PI4KA: variants seen among roughly 807,000 people sequenced by gnomAD.
PI4KA encodes PI4-kinase alpha.
PI4KA carries 122 observed loss-of-function variants against 271.4 expected under a neutral mutation model. The ratio of observed to expected loss-of-function variants is 0.45; its 90% CI spans 0.39 to 0.52. PI4KA has a LOEUF of 0.52. PI4KA is among the 20% of genes least tolerant of loss of function. The probability of loss-of-function intolerance (pLI) is 0.00; values close to 1 mark genes in which losing one functional copy is unlikely to be tolerated. For missense variants in PI4KA, 1,969 were observed against 2,769.1 expected, an observed-to-expected ratio of 0.71 and a Z score of 6.48; for synonymous variants, 1,041 against 1,078.8, an observed-to-expected ratio of 0.96 and a Z score of 0.69.
intron 10 of PI4KA, among the ~76,000 whole-genome samples, chr22:20,807,019 G>A (rs1466527321): frequency 1.3e-5 from 2 of 152,160 alleles, no homozygotes; most frequent in East Asian, 1.9e-4. Context: ...ATACGCATAA[G>A]CCACTGTGCC....
At chr22:20,795,247 C>T (rs904248785) in intron 18 of PI4KA, among the ~76,000 whole-genome samples, 5 of 151,304 alleles carry the variant, frequency 3.3e-5, no homozygotes, top group African/African-American at 9.7e-5. Flanking sequence ...GTGTTATCAA[C>T]ACCAACTCAT....
At chr22:20,788,367 G>C (rs1385614831) in intron 19 of PI4KA, among the ~76,000 whole-genome samples, 1 of 152,184 alleles carries the variant, frequency 6.6e-6, no homozygotes, top group Non-Finnish European at 1.5e-5. Flanking sequence ...AAAGGGAGTA[G>C]GGACGGAAGG....
At chr22:20,779,273 ACT>A (rs750376007) in intron 19 of PI4KA, 2 of 1,613,222 alleles carry the variant, frequency 1.2e-6, no homozygotes, top group Non-Finnish European at 8.5e-7. Flanking sequence ...GCCGCCTTTC[ACT>A]GTGTTCTGTT....
rs768464194 is a variant in PI4KA at position 20,765,591 on chromosome 22, C to A, written c.2431G>T (p.Gly811Cys). The A allele has an allele frequency of 1.3e-5, 21 of 1,591,604 alleles. No individual in the cohort carries two copies. The highest frequency in any genetic ancestry group is 1.7e-5 in the Non-Finnish European group (20 of 1,160,522). ...YSVLMGFAVEGSGLWPEEWYE... is the reference protein window; with the variant it reads ...YSVLMGFAVECSGLWPEEWYE... ...AGAGAGATGATCCCCCTACCTGAGC[C>A]CTCCACAGCGAATCCCATCAGAACG... Residue 811 changes from glycine (G) to cysteine (C), a missense_variant, in exon 20 of 55, where the codon GGC becomes TGC. By Grantham distance (159) the Gly-to-Cys change is radical. Around this residue, in one of 13 missense-constraint regions of PI4KA, gnomAD observed 368 missense variants for 544.3 expected, o/e 0.68. Transcript: ENST00000255882.
At chr22:20,766,305 T>C (rs1932517225) in intron 19 of PI4KA, among the ~76,000 whole-genome samples, 1 of 152,100 alleles carries the variant, frequency 6.6e-6, no homozygotes, top group Non-Finnish European at 1.5e-5. Flanking sequence ...GGTGAGGGGC[T>C]ATTGTCCTTG....
At chr22:20,713,215 G>C in intron 48 of PI4KA, 66 bp downstream of exon 48, 3 of 1,109,862 alleles carry the variant, frequency 2.7e-6, no homozygotes, top group Non-Finnish European at 4.0e-6. Context: ...GGACTCTGGC[G>C]GGCCTGGAGC....
chr22:20,779,255 T>C, intron 19 of PI4KA: 1 of 1,611,160 alleles, frequency 6.2e-7, no homozygotes, highest in Non-Finnish European at 8.5e-7. Flanking sequence ...GGGGTGTGGA[T>C]CAGCCAGGCC....
At chr22:20,725,713 T>C (rs778634565) in intron 42 of PI4KA, 10 of 285,466 alleles carry the variant, frequency 3.5e-5, no homozygotes, top group African/African-American at 8.8e-5. Context: ...TGGGACAACA[T>C]AGCGAAACTC....
intron 43 of PI4KA, among the ~76,000 whole-genome samples, chr22:20,719,625 A>G (rs1454460554): frequency 6.6e-6 from 1 of 152,018 alleles, no homozygotes; most frequent in Non-Finnish European, 1.5e-5. Flanking sequence ...GGGATGTGGC[A>G]GATGTTTTCC....
intron 48 of PI4KA, 141 bp downstream of exon 48, chr22:20,713,140 A>C (rs1925532627): frequency 4.0e-6 from 3 of 743,998 alleles, no homozygotes; most frequent in Non-Finnish European, 7.0e-6. Flanking sequence ...AGAAGCCCTA[A>C]TTTACCCCGT....
chr22:20,721,152 G>A, intron 43 of PI4KA, 146 bp downstream of exon 43: 1 of 798,508 alleles, frequency 1.3e-6, no homozygotes, highest in South Asian at 1.5e-5. Flanking sequence ...GTGCTGAAAG[G>A]TGAGAAGTGC....
At chr22:20,802,484 G>C (rs1424654138) in intron 13 of PI4KA, among the ~76,000 whole-genome samples, 2 of 152,166 alleles carry the variant, frequency 1.3e-5, no homozygotes, top group South Asian at 2.1e-4. Context: ...TGCGGGAGCA[G>C]GGGCCTTAGA....
chr22:20,784,204 A>AC, intron 19 of PI4KA: 1 of 1,614,030 alleles, frequency 6.2e-7, no homozygotes. Flanking sequence ...CGCAACTGAC[A>AC]CCCCGGGTGG....
At chr22:20,847,057 A>G (rs1926359170) in intron 1 of PI4KA, among the ~76,000 whole-genome samples, 1 of 151,650 alleles carries the variant, frequency 6.6e-6, no homozygotes, top group Non-Finnish European at 1.5e-5. Flanking sequence ...CTGAGGCAGG[A>G]GAATCACTTG....
At chr22:20,710,291 G>A (rs1925085858) in intron 52 of PI4KA, 1 of 549,170 alleles carries the variant, frequency 1.8e-6, no homozygotes, top group East Asian at 3.2e-5. Context: ...CAGACACGCT[G>A]ACCTGCCTTT....
intron 25 of PI4KA, 112 bp from the exon 26 acceptor site, chr22:20,751,867 A>G (rs1268655458): frequency 3.4e-6 from 3 of 891,684 alleles, no homozygotes; most frequent in East Asian, 2.6e-5. Context: ...GGCCAGCTGA[A>G]GGAGGAGGTC....
intron 22 of PI4KA, among the ~76,000 whole-genome samples, chr22:20,763,271 C>T (rs1932186799): frequency 6.6e-6 from 1 of 151,946 alleles, no homozygotes; most frequent in African/African-American, 2.4e-5. Context: ...ACCACCACAT[C>T]CAGCTAATTT....
At chr22:20,806,382 G>T (rs374909654) in intron 10 of PI4KA, among the ~76,000 whole-genome samples, 87 of 151,710 alleles carry the variant, frequency 5.7e-4, no homozygotes, top group South Asian at 1.5e-3. Context: ...TTAAGCTATT[G>T]TCTCAGGTTG....
chr22:20,727,465 G>A (rs898550440), intron 40 of PI4KA, 68 bp from the exon 41 acceptor site: 128 of 1,408,552 alleles, frequency 9.1e-5, no homozygotes, highest in African/African-American at 5.8e-5. Flanking sequence ...CCTGGTCCAC[G>A]GGCCACACAA....
Sources: allele counts gnomAD v4.1 joint callset (sites outside exome capture counted in the v4.1 genomes callset), GRCh38; gene constraint gnomAD v4.1.1; regional missense constraint gnomAD v4.1.1; transcripts MANE v1.5; gene names NCBI Gene and HGNC (gene_info 2026-07-23, HGNC 2026-07-21).